The following BICRA variants were observed in gnomAD, a reference collection of about 807,000 sequenced individuals.
BICRA encodes BRD4-interacting chromatin-remodeling complex-associated protein.
Under a neutral mutation model 96.9 loss-of-function variants are expected in BICRA, and 31 were observed. The ratio of observed to expected loss-of-function variants is 0.32; its 90% CI spans 0.24 to 0.43. The LOEUF is 0.43. Ranked by LOEUF, BICRA falls within the 20% of genes least tolerant of loss-of-function variation. The pLI, the probability that BICRA is intolerant of heterozygous loss-of-function variation, is 1.00. For missense variants in BICRA, 2,283 were observed against 2,190.3 expected (o/e 1.04, Z -0.84); for synonymous variants, 1,350 against 1,071.8 (o/e 1.26, Z -5.07).
In BICRA at chr19:47,679,833, C is replaced by A. The variant is rs1169328185; in HGVS notation, c.663C>A (p.Ser221Arg). 6.0e-6 allele frequency: 9 copies of A among 1,490,030 alleles called. No individual in the cohort carries two copies. The highest frequency in any genetic ancestry group is 1.4e-5 in the African/African-American group (1 of 70,356). The allele number at this position is 1,490,030 out of a possible 1,614,324, so 92.3% of individuals were successfully genotyped here. ...GCCTCCAAGGCCTGCCCAATGGCAG[C>A]CCTGGGGGTGCCACGGCGGCCACAC... ...IPGLQGLPNG[S>R]PGGATAATLG... is the part of the protein sequence containing the mutation. Residue 221 changes from serine (S) to arginine (R), a missense_variant, in exon 6 of 15, where the codon AGC becomes AGA. Ser to Arg is a moderately radical substitution (Grantham distance 110). Coordinates refer to ENST00000594866, the MANE Select transcript of BICRA (RefSeq NM_001394372.1).
intron 1 of BICRA, among the ~76,000 whole-genome samples, chr19:47,611,994 C>A (rs534765062): frequency 1.3e-5 from 2 of 152,036 alleles, no homozygotes; most frequent in Admixed American, 6.6e-5. Flanking sequence ...CCTCAGCGTC[C>A]CGAGTAGCTG....
chr19:47,667,001 G>C (rs549236431), intron 1 of BICRA, among the ~76,000 whole-genome samples: 1 of 151,608 alleles, frequency 6.6e-6, no homozygotes, highest in African/African-American at 2.4e-5. Context: ...TCCCCAGGAA[G>C]TTCCCGTTCA....
At chr19:47,654,942 T>C (rs1324501962) in intron 1 of BICRA, among the ~76,000 whole-genome samples, 3 of 152,120 alleles carry the variant, frequency 2.0e-5, no homozygotes, top group East Asian at 1.9e-4. Context: ...GGTATTGTCA[T>C]GTGCAGGGGG....
intron 11 of BICRA, among the ~76,000 whole-genome samples, chr19:47,697,396 AC>A (rs1379345024): frequency 2.0e-5 from 3 of 151,312 alleles, no homozygotes; most frequent in Admixed American, 1.3e-4. Flanking sequence ...GCATGCCCTC[AC>A]CCAAAAAAAA....
At position 47,611,414 on chromosome 19, in the gene BICRA, G is replaced by C. The variant is rs138136616; in HGVS notation, c.-108+2246G>C. 7.7e-3 allele frequency among the ~76,000 whole-genome samples: 1,175 copies of C among 152,228 alleles called. 5 individuals are homozygous for C. The highest frequency in any genetic ancestry group is 0.013 in the Non-Finnish European group (865 of 68,006). On this transcript the variant is annotated intron_variant, in intron 1 of 14. Transcript: ENST00000594866. ...CTGAAGGTGTGTGAGGAGTGGGGGAGGGGGAGCCCCAGGCCTGGCCAGTGA... is the reference window on the plus strand; with the variant it reads ...CTGAAGGTGTGTGAGGAGTGGGGGACGGGGAGCCCCAGGCCTGGCCAGTGA...
At chr19:47,628,898 G>A (rs1057121507) in intron 1 of BICRA, among the ~76,000 whole-genome samples, 26 of 149,240 alleles carry the variant, frequency 1.7e-4, no homozygotes, top group Admixed American at 6.0e-4. Flanking sequence ...GTGAGCCACC[G>A]CACCTGGCCT....
Position 47,694,342 on chromosome 19 carries a change from C to A in BICRA, c.2511C>A (p.Ile837=). ...APPTLPGIFV[I]QNQLGVPPPA... is the part of the protein sequence containing the mutation. ...CAACTCTGCCTGGCATCTTTGTCAT[C>A]CAAAACCAGCTAGGCGTTCCCCCGC... is the stretch of plus-strand genomic sequence containing the variant. Residue 837 remains isoleucine, a synonymous_variant, in exon 8 of 15, where the codon ATC becomes ATA. Transcript: ENST00000594866. The A allele has an allele frequency of 2.6e-6, 3 of 1,165,590 alleles. No homozygotes were observed. Among genetic ancestry groups the A allele is most frequent in the East Asian group, 3.0e-5 (1 of 33,854 alleles). 72.2% of individuals were successfully genotyped at this position (1,165,590 alleles called of 1,614,324 possible).
chr19:47,682,144 GC>G lies in BICRA; in HGVS notation c.2281del (p.Gln761ArgfsTer8), dbSNP rs1350784790. ...APDSQASPAPAPQIPAAAPLK... is the reference protein window; with the variant it reads ...APDSQASPAPXPQIPAAAPLK... The stretch of plus-strand genomic sequence containing the variant: ...CGACAGCCAGGCTTCCCCGGCTCCG[GC>G]CCCCCAGGTAGAGGGACCCCAGCAG... On this transcript the variant is annotated frameshift_variant, in exon 7 of 15. Transcript: ENST00000594866. LOFTEE classifies it high-confidence loss of function. 2.3e-5 allele frequency: 33 copies of G among 1,458,642 alleles called. No individual in the cohort carries two copies. Among genetic ancestry groups the G allele is most frequent in the Non-Finnish European group, 2.5e-5 (27 of 1,075,904 alleles). The allele number at this position is 1,458,642 out of a possible 1,614,324, so 90.4% of individuals were successfully genotyped here. A position where few individuals can be genotyped will look rare whatever the true frequency, so the allele number is the denominator to read the frequency against.
chr19:47,680,910 C>G lies in BICRA; in HGVS notation c.1740C>G (p.Thr580=), dbSNP rs1020527316. 6.7e-6 allele frequency: 10 copies of G among 1,484,478 alleles called. No individual in the cohort carries two copies. The highest frequency in any genetic ancestry group is 7.1e-6 in the Non-Finnish European group (8 of 1,129,514). 92.0% of individuals were successfully genotyped at this position (1,484,478 alleles called of 1,614,324 possible). ...CAGCGCCCGCCGGGCCGGCCGCCAC[C>G]ACTGTCCTCCAGGGGGTCACCCTGC... is the stretch of plus-strand genomic sequence containing the variant. ...SQPAPAGPAA[T]TVLQGVTLPP... The change falls in exon 6 of 15, where the codon ACC becomes ACG. Residue 580 remains threonine (T), a synonymous_variant. Coordinates refer to ENST00000594866, the MANE Select transcript of BICRA (RefSeq NM_001394372.1).
At chr19:47,673,896 A>AGAAG in intron 4 of BICRA, 134 bp downstream of exon 4, 2 of 788,766 alleles carry the variant, frequency 2.5e-6, no homozygotes, top group Non-Finnish European at 4.5e-6. Context: ...CACTGGAGTT[A>AGAAG]CGGCCATGAG....
chr19:47,682,324 C>G (rs1178492037), intron 7 of BICRA, among the ~76,000 whole-genome samples, 172 bp downstream of exon 7: 6 of 152,210 alleles, frequency 3.9e-5, no homozygotes, highest in Admixed American at 3.3e-4. Context: ...TGCCTGAGAC[C>G]AGGGCCGGCC....
In BICRA at chr19:47,701,148, G is replaced by C. The variant is rs917076961; in HGVS notation, c.3596-180G>C. 4 of 603,002 alleles carry C rather than the reference G, an allele frequency of 6.6e-6. No individual in the cohort carries two copies. Among genetic ancestry groups the C allele is most frequent in the Non-Finnish European group, 1.2e-5 (4 of 340,504 alleles). The allele number at this position is 603,002 out of a possible 1,614,324, so 37.4% of individuals were successfully genotyped here. ...CTGTGCCAGGCACAGTGGTTTTAGA[G>C]TTGGGGGAATTTGGGCCTTGCTGAA... On this transcript the variant is annotated intron_variant, in intron 14 of 14. Coordinates refer to ENST00000594866, the MANE Select transcript of BICRA (RefSeq NM_001394372.1). The surrounding 1 kb of genome is among the most constrained non-coding windows in gnomAD (Gnocchi z 5.4).
intron 1 of BICRA, among the ~76,000 whole-genome samples, chr19:47,635,800 T>C (rs182292430): frequency 2.6e-5 from 4 of 152,300 alleles, no homozygotes; most frequent in African/African-American, 9.6e-5. Flanking sequence ...TAAGGCTGGG[T>C]AATACTCCAT....
chr19:47,659,773 A>G (rs1972677999), intron 1 of BICRA, among the ~76,000 whole-genome samples: 1 of 151,578 alleles, frequency 6.6e-6, no homozygotes, highest in South Asian at 2.1e-4. Context: ...TTTTTGAGAC[A>G]GGGTCTCCCT....
chr19:47,681,685 G>GA (rs1973063694), intron 6 of BICRA, among the ~76,000 whole-genome samples: 1 of 152,154 alleles, frequency 6.6e-6, no homozygotes, highest in Non-Finnish European at 1.5e-5. Flanking sequence ...CCTGCTGACA[G>GA]ACAAGGAGAG....
rs567383733 is a variant in BICRA at position 47,654,917 on chromosome 19, G to A, written c.-107-15526G>A. 5.3e-5 allele frequency among the ~76,000 whole-genome samples: 8 copies of A among 152,220 alleles called. No homozygotes were observed. The South Asian group carries it at 1.2e-3, about 24-fold the overall frequency. On this transcript the variant is annotated intron_variant, in intron 1 of 14. Transcript: ENST00000594866. ...AAGTAGCCAGGCAGAGGGTGAATGC[G>A]TCTTGATCTTAGTGGGTATTGTCAT... is the stretch of plus-strand genomic sequence containing the variant.
chr19:47,655,155 A>G (rs1211710561), intron 1 of BICRA, among the ~76,000 whole-genome samples: 1 of 152,090 alleles, frequency 6.6e-6, no homozygotes, highest in Non-Finnish European at 1.5e-5. Context: ...CTCTTACTAT[A>G]AACAAGTGTC....
intron 1 of BICRA, among the ~76,000 whole-genome samples, chr19:47,656,955 G>A (rs752969085): frequency 2.3e-4 from 35 of 151,556 alleles, no homozygotes; most frequent in Non-Finnish European, 4.4e-4. Context: ...TCCACCTCCC[G>A]GGTTCAAGAA....
chr19:47,648,210 C>T (rs987315267), intron 1 of BICRA, among the ~76,000 whole-genome samples: 1 of 148,316 alleles, frequency 6.7e-6, no homozygotes, highest in Admixed American at 6.8e-5. Context: ...CGTCTCTGAG[C>T]CCGCAGTGGC....
Sources: allele counts gnomAD v4.1 joint callset (sites outside exome capture counted in the v4.1 genomes callset), GRCh38; gene constraint gnomAD v4.1.1; non-coding constraint Gnocchi (gnomAD v3.1); transcripts MANE v1.5; gene names NCBI Gene and HGNC (gene_info 2026-07-23, HGNC 2026-07-21).